Variants in BCAS3 observed in about 807,000 individuals in gnomAD.
BCAS3 encodes the protein BCAS4/BCAS3 fusion.
In BCAS3, 53 loss-of-function variants were observed where a neutral mutation model predicts 116.1. That is an observed-to-expected ratio of 0.46 (90% CI 0.37 to 0.57). BCAS3 has a LOEUF of 0.57. Ranked by LOEUF, BCAS3 falls within the 20% of genes least tolerant of loss-of-function variation. The pLI, the probability that BCAS3 is intolerant of heterozygous loss-of-function variation, is 0.00. For synonymous variants in BCAS3, 391 were observed against 408.2 expected, an observed-to-expected ratio of 0.96 and a Z score of 0.51; for missense variants, 917 against 1,165.4, an observed-to-expected ratio of 0.79 and a Z score of 3.10.
rs537167330 is a variant in BCAS3 at position 61,290,900 on chromosome 17, C to T, written c.2426-77427C>T. Among the ~76,000 whole-genome samples, 8 of 152,256 alleles carry T rather than the reference C, an allele frequency of 5.3e-5. No individual in the cohort carries two copies. In the South Asian group the frequency reaches 1.7e-3, roughly 32 times the overall value. ...GGTTCATGCCATTCTCCTGCCTCAG[C>T]CTCCCAAGTAGCTGGGACTACAGGT... On this transcript the variant is annotated intron_variant, in intron 22 of 23. Transcript: ENST00000407086.
chr17:61,290,982 A>G lies in BCAS3; in HGVS notation c.2426-77345A>G, dbSNP rs541442387. Reference sequence around the variant, plus strand: ...TTTTTAGTAGAGACGGGGTTTCACCATGTTAGCCAGGATGATCTCGATCTC... The same window carrying G: ...TTTTTAGTAGAGACGGGGTTTCACCGTGTTAGCCAGGATGATCTCGATCTC... On this transcript the variant is annotated intron_variant, in intron 22 of 23. Coordinates refer to ENST00000407086, the MANE Select transcript of BCAS3 (RefSeq NM_017679.5). Among the ~76,000 whole-genome samples, 511 of 152,032 alleles carry G rather than the reference A, an allele frequency of 3.4e-3. 1 individual carries two copies. The highest frequency in any genetic ancestry group is 5.5e-3 in the Non-Finnish European group (374 of 67,984).
intron 19 of BCAS3, among the ~76,000 whole-genome samples, chr17:61,060,027 A>G (rs752465326): frequency 6.6e-6 from 1 of 152,200 alleles, no homozygotes; most frequent in Non-Finnish European, 1.5e-5. Context: ...AAGGAAGAAA[A>G]TGCAGGGGAA....
intron 9 of BCAS3, among the ~76,000 whole-genome samples, chr17:60,877,853 A>G (rs1417870160): frequency 1.3e-5 from 2 of 152,192 alleles, no homozygotes; most frequent in East Asian, 1.9e-4. Context: ...CTTAAAATCT[A>G]TTTAGTGTGG....
intron 12 of BCAS3, among the ~76,000 whole-genome samples, chr17:60,919,887 C>T (rs1368424020): frequency 2.6e-5 from 4 of 151,958 alleles, no homozygotes; most frequent in African/African-American, 9.7e-5. Flanking sequence ...GAAAAAGTAA[C>T]AGAGGACTTA....
At chr17:60,747,809 C>T (rs1175084322) in intron 6 of BCAS3, among the ~76,000 whole-genome samples, 2 of 152,034 alleles carry the variant, frequency 1.3e-5, no homozygotes, top group African/African-American at 2.4e-5. Context: ...GAGTTTTGGG[C>T]TTTTAAGCTT....
intron 3 of BCAS3, among the ~76,000 whole-genome samples, chr17:60,684,348 C>T (rs2033711250): frequency 6.6e-6 from 1 of 151,978 alleles, no homozygotes; most frequent in Non-Finnish European, 1.5e-5. Flanking sequence ...TGTTGCCTGC[C>T]AGAAGGGAGA....
At position 60,778,980 on chromosome 17, in the gene BCAS3, T is replaced by C. The variant is rs140245307; in HGVS notation, c.404-29024T>C. Among the ~76,000 whole-genome samples the C allele has an allele frequency of 9.7e-4, 147 of 152,322 alleles. 3 individuals carry two copies. The highest frequency in any genetic ancestry group is 2.5e-3 in the East Asian group (13 of 5,192). The stretch of plus-strand genomic sequence containing the variant: ...TTCTAGGCAGATATTTGAATAAACA[T>C]CTAAACAATCTTTTTTTGCAGTACA... On this transcript the variant is annotated intron_variant, in intron 6 of 23. Coordinates refer to ENST00000407086, the MANE Select transcript of BCAS3 (RefSeq NM_017679.5).
intron 10 of BCAS3, among the ~76,000 whole-genome samples, chr17:60,900,689 CT>C (rs1010913125): frequency 4.6e-5 from 7 of 151,418 alleles, no homozygotes; most frequent in Admixed American, 2.6e-4. Flanking sequence ...TATATATGCT[CT>C]TTGGCAAACT....
intron 22 of BCAS3, among the ~76,000 whole-genome samples, chr17:61,338,535 T>TA (rs2056897930): frequency 6.6e-6 from 1 of 152,208 alleles, no homozygotes; most frequent in African/African-American, 2.4e-5. Flanking sequence ...TGGAAGTGTT[T>TA]CTTTAACTTT....
At position 60,721,790 on chromosome 17, in the gene BCAS3, G is replaced by A. The variant is rs570535081; in HGVS notation, c.321+12465G>A. Among the ~76,000 whole-genome samples the A allele has an allele frequency of 2.6e-5, 4 of 152,030 alleles. No individual in the cohort carries two copies. The East Asian group carries it at 7.7e-4, about 29-fold the overall frequency. ...TATATAACCTTCTAACCATCATCCT[G>A]GATTAAGATCTAGAATATTTCCAGT... On this transcript the variant is annotated intron_variant, in intron 5 of 23. Transcript: ENST00000407086.
chr17:61,194,550 C>A (rs1053665333), intron 22 of BCAS3, among the ~76,000 whole-genome samples: 1 of 152,004 alleles, frequency 6.6e-6, no homozygotes, highest in Non-Finnish European at 1.5e-5. Context: ...ACCAGCCTGG[C>A]CAATATGGTG....
At chr17:60,698,177 G>T (rs1360429837) in intron 4 of BCAS3, among the ~76,000 whole-genome samples, 31 of 108,252 alleles carry the variant, frequency 2.9e-4, no homozygotes, top group South Asian at 1.8e-3. Flanking sequence ...GCGAGACTCC[G>T]TCTCACAAAA....
intron 18 of BCAS3, 89 bp from the exon 19 acceptor site, chr17:61,040,703 A>T: frequency 9.6e-7 from 1 of 1,041,176 alleles, no homozygotes; most frequent in Non-Finnish European, 1.5e-6. Context: ...GTGTGAGTTT[A>T]AGTCACTGTT....
rs185546705 is a variant in BCAS3, at chr17:61,276,833, G to T, written c.2426-91494G>T. On this transcript the variant is annotated intron_variant, in intron 22 of 23. Transcript: ENST00000407086. This position sits in a 1 kb window ranked among gnomAD's most constrained non-coding sequence, Gnocchi z 4.2. Reference sequence around the variant, plus strand: ...TCTAAGCTACAGTAATCAAGACAGTGTGGTACTGGCATAAGGATAGACATA... The same window carrying T: ...TCTAAGCTACAGTAATCAAGACAGTTTGGTACTGGCATAAGGATAGACATA... Among the ~76,000 whole-genome samples, 6 of 152,208 alleles carry T rather than the reference G, an allele frequency of 3.9e-5. No individual in the cohort carries two copies. Among genetic ancestry groups the T allele is most frequent in the African/African-American group, 1.4e-4 (6 of 41,452 alleles).
At chr17:60,943,971 A>ATT (rs1319473610) in intron 13 of BCAS3, among the ~76,000 whole-genome samples, 2 of 152,074 alleles carry the variant, frequency 1.3e-5, no homozygotes, top group East Asian at 1.9e-4. Flanking sequence ...AATCTGTTAC[A>ATT]TTTAGCTAAG....
intron 22 of BCAS3, among the ~76,000 whole-genome samples, chr17:61,138,490 G>A (rs2076763185): frequency 6.6e-6 from 1 of 152,152 alleles, no homozygotes; most frequent in African/African-American, 2.4e-5. Context: ...TCTGCTGGGG[G>A]TAAATTCATA....
At chr17:60,766,384 G>C (rs933072505) in intron 6 of BCAS3, among the ~76,000 whole-genome samples, 3 of 152,186 alleles carry the variant, frequency 2.0e-5, no homozygotes, top group Non-Finnish European at 4.4e-5. Flanking sequence ...TGATGTGGAT[G>C]TCCTTTTTGT....
chr17:60,811,275 T>C, intron 7 of BCAS3: 1 of 919,226 alleles, frequency 1.1e-6, no homozygotes, highest in Non-Finnish European at 1.7e-6. Flanking sequence ...CTGCTGAACA[T>C]CAAGGTCAAG....
At chr17:60,705,188 A>G (rs1047198431) in intron 4 of BCAS3, among the ~76,000 whole-genome samples, 8 of 152,186 alleles carry the variant, frequency 5.3e-5, no homozygotes, top group Admixed American at 3.9e-4. Context: ...AATGTTTTGC[A>G]TGACTTACAG....
Sources: gnomAD v4.1 joint callset for allele counts (sites outside exome capture counted in the v4.1 genomes callset) on GRCh38, gnomAD v4.1.1 for gene constraint, Gnocchi (gnomAD v3.1) non-coding constraint, MANE v1.5 for transcripts, NCBI Gene and HGNC (gene_info 2026-07-23, HGNC 2026-07-21) for gene names.